The following ATXN7 variants were observed in gnomAD, a reference collection of about 807,000 sequenced individuals.
ATXN7 encodes the protein ataxin-7.
ATXN7 carries 12 observed loss-of-function variants against 70.5 expected under a neutral mutation model. That is an observed-to-expected ratio of 0.17 (90% CI 0.11 to 0.28). The LOEUF is 0.28. ATXN7 is among the 10% of genes least tolerant of loss of function. The pLI is 1.00. For missense variants in ATXN7, 1,256 were observed against 1,131.7 expected, an observed-to-expected ratio of 1.11 and a Z score of -1.58; for synonymous variants, 498 against 448.7, an observed-to-expected ratio of 1.11 and a Z score of -1.39.
chr3:63,948,237 T>C (rs551693205), intron 4 of ATXN7, among the ~76,000 whole-genome samples: 1 of 152,242 alleles, frequency 6.6e-6, no homozygotes, highest in South Asian at 2.1e-4. Context: ...GTGGCCTGAA[T>C]GTGTTGAGGG....
intron 4 of ATXN7, among the ~76,000 whole-genome samples, chr3:63,950,377 A>C (rs1162507082): frequency 6.6e-6 from 1 of 152,208 alleles, no homozygotes; most frequent in Non-Finnish European, 1.5e-5. Flanking sequence ...GAGGGAAATC[A>C]CAGAGACCAC....
At chr3:63,876,385 T>C (rs761176707) in intron 1 of ATXN7, among the ~76,000 whole-genome samples, 2 of 152,106 alleles carry the variant, frequency 1.3e-5, no homozygotes, top group African/African-American at 2.4e-5. Flanking sequence ...GTGGTAGTTA[T>C]AACTATAAAT....
chr3:63,998,478 G>C, intron 12 of ATXN7: 1 of 985,082 alleles, frequency 1.0e-6, no homozygotes, highest in Non-Finnish European at 1.2e-6. Context: ...TGCCACCTTT[G>C]ATTTTTACCA....
intron 5 of ATXN7, among the ~76,000 whole-genome samples, chr3:63,962,107 G>C (rs1487724539): frequency 6.6e-6 from 1 of 152,080 alleles, no homozygotes; most frequent in Admixed American, 6.5e-5. Flanking sequence ...AAACAGACTG[G>C]TTTGGGAGGG....
intron 6 of ATXN7, 150 bp downstream of exon 6, chr3:63,980,317 C>A (rs2075464623): frequency 6.2e-6 from 7 of 1,122,354 alleles, no homozygotes; most frequent in East Asian, 5.0e-5. Context: ...TTGATGTTTC[C>A]CTGTCATGTC....
In ATXN7 at chr3:64,002,739, G is replaced by A. The variant is rs1442988365; in HGVS notation, c.*3272G>A. On this transcript the variant is annotated 3_prime_UTR_variant, in exon 13 of 13. Coordinates refer to ENST00000674280, the MANE Select transcript of ATXN7 (RefSeq NM_001377405.1). ...CCACCAATGCTGGTAATTTTATAAG[G>A]TATTTTAAAATTAAGACCTCTTGGT... 6.6e-6 allele frequency: 1 copy of A among 152,022 alleles called. No homozygotes were observed. Among genetic ancestry groups the A allele is most frequent in the Non-Finnish European group, 1.5e-5 (1 of 68,034 alleles). 9.4% of individuals were successfully genotyped at this position (152,022 alleles called of 1,614,324 possible). A position where few individuals can be genotyped will look rare whatever the true frequency, so the allele number is the denominator to read the frequency against.
chr3:63,968,250 C>A, intron 5 of ATXN7: 1 of 378,186 alleles, frequency 2.6e-6, no homozygotes, highest in Non-Finnish European at 4.9e-6. Flanking sequence ...TGCAAGCTGT[C>A]CACAGAAGCC....
intron 1 of ATXN7, among the ~76,000 whole-genome samples, chr3:63,895,783 GTC>G (rs60094587): frequency 1.8e-4 from 26 of 143,916 alleles, no homozygotes; most frequent in African/African-American, 2.3e-4. Context: ...TTGTTTCTCT[GTC>G]TCTCTCTCTC....
chr3:63,950,575 G>A lies in ATXN7; in HGVS notation c.395-1804G>A, dbSNP rs1274141655. ...AGTTCTGTAATTTAGATGTATCAGA[G>A]GCATTTAGCACAGAAGCATATGGAA... On this transcript the variant is annotated intron_variant, in intron 4 of 12. Coordinates refer to ENST00000674280, the MANE Select transcript of ATXN7 (RefSeq NM_001377405.1). 2.6e-5 allele frequency among the ~76,000 whole-genome samples: 4 copies of A among 152,208 alleles called. No individual in the cohort carries two copies. The East Asian group carries it at 7.7e-4, about 29-fold the overall frequency.
chr3:63,919,078 G>A (rs993601463), intron 4 of ATXN7, among the ~76,000 whole-genome samples: 1 of 152,234 alleles, frequency 6.6e-6, no homozygotes, highest in South Asian at 2.1e-4. Flanking sequence ...CAGTTGCAGC[G>A]TGTGGGCCAA....
chr3:63,875,584 A>G (rs1261323448), intron 1 of ATXN7, among the ~76,000 whole-genome samples: 4 of 152,134 alleles, frequency 2.6e-5, no homozygotes, highest in Admixed American at 6.5e-5. Context: ...TCTTGCCACA[A>G]TTAGCTGGGT....
intron 1 of ATXN7, among the ~76,000 whole-genome samples, chr3:63,888,808 G>GTGC (rs1283649994): frequency 1.3e-5 from 2 of 151,876 alleles, no homozygotes; most frequent in Non-Finnish European, 2.9e-5. Context: ...GATCTCCCTT[G>GTGC]TGCTACCCCT....
At chr3:63,948,021 G>T (rs2074891889) in intron 4 of ATXN7, among the ~76,000 whole-genome samples, 1 of 152,136 alleles carries the variant, frequency 6.6e-6, no homozygotes, top group African/African-American at 2.4e-5. Context: ...AAAGCCACTG[G>T]AGAATTTTAA....
chr3:63,998,404 C>A (rs1553696318), intron 12 of ATXN7: 3 of 984,954 alleles, frequency 3.0e-6, no homozygotes, highest in African/African-American at 3.5e-5. Flanking sequence ...ACTTTTTTTT[C>A]TCTTCTTAAA....
chr3:63,969,068 C>T (rs911021539), intron 5 of ATXN7, among the ~76,000 whole-genome samples: 1 of 152,240 alleles, frequency 6.6e-6, no homozygotes, highest in South Asian at 2.1e-4. Context: ...TATTAGTTGA[C>T]AGCCCTGGCA....
chr3:63,996,537 T>G (rs753650857), intron 12 of ATXN7, 54 bp downstream of exon 12: 4 of 1,564,498 alleles, frequency 2.6e-6, no homozygotes, highest in African/African-American at 1.4e-5. Context: ...TCCCTTAAGA[T>G]CTTTTGTCAG....
chr3:63,945,527 G>C (rs937612223), intron 4 of ATXN7, among the ~76,000 whole-genome samples: 1 of 152,182 alleles, frequency 6.6e-6, no homozygotes, highest in African/African-American at 2.4e-5. Context: ...GTCACTAAAT[G>C]ACATAAAAGC....
chr3:63,958,147 C>G (rs1163500792), intron 5 of ATXN7, among the ~76,000 whole-genome samples: 2 of 152,192 alleles, frequency 1.3e-5, no homozygotes, highest in African/African-American at 4.8e-5. Flanking sequence ...CTCCTGTGAT[C>G]TTACAGCTTT....
chr3:63,893,079 G>T (rs1428526999), intron 1 of ATXN7, among the ~76,000 whole-genome samples: 1 of 152,154 alleles, frequency 6.6e-6, no homozygotes, highest in African/African-American at 2.4e-5. Context: ...TCAATTTTCT[G>T]ATAAAGGAGC....
Sources: allele counts gnomAD v4.1 joint callset (sites outside exome capture counted in the v4.1 genomes callset), GRCh38; gene constraint gnomAD v4.1.1; transcripts MANE v1.5; gene names NCBI Gene and HGNC (gene_info 2026-07-23, HGNC 2026-07-21).